CRACD: variants seen among roughly 807,000 people sequenced by gnomAD.
CRACD encodes capping protein inhibiting regulator of actin dynamics.
Under a neutral mutation model 106.8 loss-of-function variants are expected in CRACD, and 56 were observed. The ratio of observed to expected loss-of-function variants is 0.52; its 90% CI spans 0.42 to 0.66. The LOEUF (loss-of-function observed/expected upper bound fraction) is 0.66, where lower values mean the gene tolerates loss of function less well. CRACD is among the 30% of genes least tolerant of loss of function. The pLI, the probability that CRACD is intolerant of heterozygous loss-of-function variation, is 0.00. For synonymous variants in CRACD, 754 were observed against 670.8 expected, an observed-to-expected ratio of 1.12 and a Z score of -1.92; for missense variants, 1,730 against 1,623.2, an observed-to-expected ratio of 1.07 and a Z score of -1.13.
At chr4:56,129,371 T>A (rs1403693178) in intron 1 of CRACD, among the ~76,000 whole-genome samples, 1 of 152,136 alleles carries the variant, frequency 6.6e-6, no homozygotes, top group Non-Finnish European at 1.5e-5. Flanking sequence ...CGGCCAAAAT[T>A]TTTTCTTGTA....
At chr4:56,083,195 C>G (rs1212149764) in intron 1 of CRACD, among the ~76,000 whole-genome samples, 1 of 152,144 alleles carries the variant, frequency 6.6e-6, no homozygotes, top group African/African-American at 2.4e-5. Context: ...AAATCTTTAT[C>G]TGAAACAGGA....
intron 1 of CRACD, among the ~76,000 whole-genome samples, chr4:56,067,841 G>C (rs1732514458): frequency 6.6e-6 from 1 of 152,200 alleles, no homozygotes; most frequent in Admixed American, 6.5e-5. Flanking sequence ...CTTCCAAAGT[G>C]CTGGGATTAC....
chr4:56,119,361 T>C (rs1333602930), intron 1 of CRACD, among the ~76,000 whole-genome samples: 1 of 151,942 alleles, frequency 6.6e-6, no homozygotes, highest in Non-Finnish European at 1.5e-5. Flanking sequence ...GAGACAGTCT[T>C]CCTCTGTTGC....
intron 3 of CRACD, among the ~76,000 whole-genome samples, chr4:56,279,475 T>C (rs1244000877): frequency 6.6e-6 from 1 of 152,110 alleles, no homozygotes; most frequent in African/African-American, 2.4e-5. Flanking sequence ...CATCAACAAG[T>C]GGGCGAAGGA....
chr4:56,278,107 G>T (rs1005093622), intron 3 of CRACD, among the ~76,000 whole-genome samples: 1 of 152,108 alleles, frequency 6.6e-6, no homozygotes, highest in African/African-American at 2.4e-5. Flanking sequence ...ATTCAATGTG[G>T]TCCCCATCAA....
At chr4:56,252,368 A>G (rs775396333) in intron 2 of CRACD, among the ~76,000 whole-genome samples, 1 of 152,108 alleles carries the variant, frequency 6.6e-6, no homozygotes, top group East Asian at 1.9e-4. Context: ...TTTTTCCCCT[A>G]ACAGGCTCCA....
At chr4:56,139,947 C>A (rs1204138916) in intron 1 of CRACD, among the ~76,000 whole-genome samples, 2 of 152,072 alleles carry the variant, frequency 1.3e-5, no homozygotes, top group African/African-American at 4.8e-5. Context: ...AACATAGATA[C>A]AATTTGGTAT....
chr4:56,146,399 T>C (rs1278514099), intron 1 of CRACD, among the ~76,000 whole-genome samples: 1 of 126,464 alleles, frequency 7.9e-6, no homozygotes, highest in Non-Finnish European at 1.6e-5. Context: ...TGTATCTCTT[T>C]TTTATTTTAT....
chr4:56,329,709 C>T lies in CRACD; in HGVS notation c.*1905C>T, dbSNP rs1021163070. Among the ~76,000 whole-genome samples the T allele has an allele frequency of 5.9e-5, 9 of 152,108 alleles. No individual in the cohort carries two copies. Among genetic ancestry groups the T allele is most frequent in the African/African-American group, 2.2e-4 (9 of 41,416 alleles). Reference sequence around the variant, plus strand: ...TCCAATGATTTCCTCACTAATATAACACTTTTTAATGGGAATCTTTCCACC... The same window carrying T: ...TCCAATGATTTCCTCACTAATATAATACTTTTTAATGGGAATCTTTCCACC... On this transcript the variant is annotated 3_prime_UTR_variant, in exon 11 of 11. Transcript: ENST00000682029.
rs1163282101 is a variant in CRACD at position 56,315,967 on chromosome 4, G to C, written c.2465G>C (p.Ser822Thr). ...AHTEFTTSSD[S>T]ETANGIAKPD... ...ACAGAGTTCACGACCTCGTCGGACA[G>C]CGAGACTGCAAACGGGATAGCAAAG... Residue 822 changes from serine to threonine, a missense_variant, in exon 8 of 11, where the codon AGC (serine) becomes ACC (threonine). Coordinates refer to ENST00000682029, the MANE Select transcript of CRACD (RefSeq NM_001393381.1). This position sits in a 1 kb window ranked among gnomAD's most constrained non-coding sequence, Gnocchi z 4.1. 1.9e-6 allele frequency: 3 copies of C among 1,614,260 alleles called. No homozygotes were observed. Among genetic ancestry groups the C allele is most frequent in the Non-Finnish European group, 2.5e-6 (3 of 1,180,050 alleles).
At chr4:56,316,762 C>G in intron 8 of CRACD, 73 bp downstream of exon 8, 2 of 1,475,516 alleles carry the variant, frequency 1.4e-6, no homozygotes, top group Non-Finnish European at 1.8e-6. Flanking sequence ...GAGATCCACA[C>G]GCAGGTTCAT....
At chr4:56,270,921 A>AACACACACACAC (rs35109908) in intron 2 of CRACD, among the ~76,000 whole-genome samples, 12 of 145,644 alleles carry the variant, frequency 8.2e-5, no homozygotes, top group African/African-American at 2.8e-4. Context: ...GTCTCTACTA[A>AACACACACACAC]ACACACACAC....
intron 4 of CRACD, among the ~76,000 whole-genome samples, chr4:56,305,851 G>A (rs1027388463): frequency 6.6e-6 from 1 of 152,172 alleles, no homozygotes; most frequent in African/African-American, 2.4e-5. Context: ...GGGTGGTTTT[G>A]GTACCGCTGA....
At chr4:56,282,334 A>G (rs1743083589) in intron 3 of CRACD, among the ~76,000 whole-genome samples, 1 of 152,224 alleles carries the variant, frequency 6.6e-6, no homozygotes, top group Non-Finnish European at 1.5e-5. Flanking sequence ...GGCCTGAGGC[A>G]TGCATTCACT....
intron 1 of CRACD, among the ~76,000 whole-genome samples, chr4:56,112,067 A>G (rs924482631): frequency 5.3e-5 from 8 of 152,192 alleles, no homozygotes; most frequent in African/African-American, 1.4e-4. Context: ...ACTGCTTGAA[A>G]TCTTTGATTC....
chr4:56,117,116 G>C (rs557746954), intron 1 of CRACD, among the ~76,000 whole-genome samples: 3 of 151,434 alleles, frequency 2.0e-5, no homozygotes, highest in Admixed American at 6.6e-5. Flanking sequence ...TGCCTCCTGG[G>C]TTCACGCCAT....
chr4:56,067,401 A>G (rs1732497607), intron 1 of CRACD, among the ~76,000 whole-genome samples: 2 of 152,174 alleles, frequency 1.3e-5, no homozygotes, highest in African/African-American at 4.8e-5. Flanking sequence ...TGATCATTTG[A>G]TTCACTTCTT....
chr4:56,114,650 G>T (rs555275251), intron 1 of CRACD, among the ~76,000 whole-genome samples: 11 of 151,946 alleles, frequency 7.2e-5, no homozygotes, highest in Non-Finnish European at 1.5e-4. Flanking sequence ...ACTCATTAGA[G>T]GTGCATAATC....
intron 3 of CRACD, among the ~76,000 whole-genome samples, chr4:56,291,315 C>CCGGA (rs1332619535): frequency 2.6e-5 from 4 of 152,146 alleles, no homozygotes; most frequent in Admixed American, 6.5e-5. Flanking sequence ...ATAAAGAAGT[C>CCGGA]CGGACGAACT....
Sources: gnomAD v4.1 joint callset for allele counts (sites outside exome capture counted in the v4.1 genomes callset) on GRCh38, gnomAD v4.1.1 for gene constraint, Gnocchi (gnomAD v3.1) non-coding constraint, MANE v1.5 for transcripts, NCBI Gene and HGNC (gene_info 2026-07-23, HGNC 2026-07-21) for gene names.